B4GALNT1: variants seen among roughly 807,000 people sequenced by gnomAD.
B4GALNT1 encodes the protein beta-1,4-N-acetyl-galactosaminyltransferase 1.
B4GALNT1 carries 43 observed loss-of-function variants against 55.2 expected under a neutral mutation model. That is an observed-to-expected ratio of 0.78 (90% confidence interval 0.61 to 1.00). The LOEUF is 1.00. Ranked by LOEUF, B4GALNT1 falls within the 50% of genes least tolerant of loss-of-function variation. The pLI is 0.00. For synonymous variants in B4GALNT1, 305 were observed against 311.6 expected (o/e 0.98, Z 0.22); for missense variants, 664 against 729.7 (o/e 0.91, Z 1.04).
Position 57,623,773 on chromosome 12 carries a change from C to T in B4GALNT1, c.*2971G>A, listed in dbSNP as rs942918735. On this transcript the variant is annotated 3_prime_UTR_variant, in exon 11 of 11. Transcript: ENST00000341156. ...GATTAGGCAGAGTGGGCAGGAAGAC[C>T]AGCTCTCATGTGGGGGTGGGAGGCT... 3.4e-5 allele frequency: 48 copies of T among 1,429,858 alleles called. 2 individuals are homozygous for T. The South Asian group carries it at 5.3e-4, about 16-fold the overall frequency. 88.6% of individuals were successfully genotyped at this position (1,429,858 alleles called of 1,614,324 possible).
At chr12:57,629,508 A>G (rs1460128052) in intron 6 of B4GALNT1, 4 of 324,606 alleles carry the variant, frequency 1.2e-5, no homozygotes, top group African/African-American at 4.3e-5. Flanking sequence ...CTATTAAGCA[A>G]CAAAACTGAT....
At chr12:57,632,170 G>A in intron 1 of B4GALNT1, 37 bp from the exon 2 acceptor site, 2 of 1,296,632 alleles carry the variant, frequency 1.5e-6, no homozygotes, top group Non-Finnish European at 2.2e-6. Context: ...GAAAGGGAGG[G>A]AAGAAGGGAG....
chr12:57,629,999 C>A, intron 6 of B4GALNT1, 153 bp downstream of exon 6: 1 of 1,546,794 alleles, frequency 6.5e-7, no homozygotes, highest in Non-Finnish European at 8.7e-7. Context: ...CTCCCTCTGG[C>A]CCTGCTGGTC....
chr12:57,627,741 G>A lies in B4GALNT1; in HGVS notation c.1261C>T (p.His421Tyr), dbSNP rs1300442618. ...NCLRQRRGFH[H>Y]ELVGFPGCVV... ...CAGCCTGGGAAGCCGACGAGCTCGT[G>A]GTGGAAGCCGCGCCTTTGCCGGAGG... Residue 421 changes from histidine (H) to tyrosine (Y), a missense_variant, in exon 10 of 11, where the codon CAC becomes TAC. Coordinates refer to ENST00000341156, the MANE Select transcript of B4GALNT1 (RefSeq NM_001478.5). 6.2e-7 allele frequency: 1 copy of A among 1,610,248 alleles called. No homozygotes were observed. The highest frequency in any genetic ancestry group is 1.1e-5 in the South Asian group (1 of 90,570).
rs753375680 is a variant in B4GALNT1 at position 57,631,121 on chromosome 12, CG to C, written c.384-36del. On this transcript the variant is annotated intron_variant, in intron 3 of 10. Transcript: ENST00000341156. ...GAGGAAGGAGAGGACAGAGCAGAGT[CG>C]GGGGGAGAGGGTCTCTCCCTCCCGG... 2.5e-6 allele frequency: 4 copies of C among 1,607,252 alleles called. No homozygotes were observed. The African/African-American group carries it at 5.3e-5, about 21-fold the overall frequency.
Position 57,624,023 on chromosome 12 carries a change from C to T in B4GALNT1, c.*2721G>A, listed in dbSNP as rs753250941. 6 of 1,611,618 alleles carry T rather than the reference C, an allele frequency of 3.7e-6. No homozygotes were observed. The South Asian group carries it at 6.6e-5, about 18-fold the overall frequency. On this transcript the variant is annotated 3_prime_UTR_variant, in exon 11 of 11. Transcript: ENST00000341156. The stretch of plus-strand genomic sequence containing the variant: ...TCAAGGCTGTCCTGGCTTGCATCAA[C>T]ATCTCCAGCATGCGCCAGGTGTTCT...
chr12:57,631,336 C>G lies in B4GALNT1; in HGVS notation c.247G>C (p.Glu83Gln), dbSNP rs911538271. Residue 83 changes from glutamate (E) to glutamine (Q), a missense_variant, in exon 3 of 11, where the codon GAG becomes CAG. Coordinates refer to ENST00000341156, the MANE Select transcript of B4GALNT1 (RefSeq NM_001478.5). ...GLLAWNNCSC[E>Q]SSGGGLPLPF... ...AGGGGGAGGCCCCCCCCACTGGACT[C>G]ACAACTGCAGTTGTTCCAAGCCAGC... 7 of 1,613,968 alleles carry G rather than the reference C, an allele frequency of 4.3e-6. No homozygotes were observed. Among genetic ancestry groups the G allele is most frequent in the Non-Finnish European group, 5.9e-6 (7 of 1,179,986 alleles).
Position 57,627,672 on chromosome 12 carries a change from C to T in B4GALNT1, c.1330G>A (p.Asp444Asn). ...TCGAAACCGACCTCGCGCACCTTGT[C>T]AGTCCGCGCCAGGAAGAAGTTAACC... Reference protein sequence around the residue: ...GVVNFFLARTDKVREVGFDPR... With the variant: ...GVVNFFLARTNKVREVGFDPR... Residue 444 changes from aspartate to asparagine, a missense_variant, in exon 10 of 11, where the codon GAC (aspartate) becomes AAC (asparagine). Physicochemically the swap from Asp to Asn is conservative, Grantham distance 23 (BLOSUM62 1). Coordinates refer to ENST00000341156, the MANE Select transcript of B4GALNT1 (RefSeq NM_001478.5). 1.2e-6 allele frequency: 2 copies of T among 1,611,132 alleles called. No homozygotes were observed. The highest frequency in any genetic ancestry group is 1.7e-6 in the Non-Finnish European group (2 of 1,178,260).
rs904464250 is a variant in B4GALNT1 at position 57,624,629 on chromosome 12, T to C, written c.*2115A>G. ...GAGGTGGGCATAGAGATGAGTGGAG[T>C]TGAGGTCGGGGCAGGGGAAGAGAAT... On this transcript the variant is annotated 3_prime_UTR_variant, in exon 11 of 11. Coordinates refer to ENST00000341156, the MANE Select transcript of B4GALNT1 (RefSeq NM_001478.5). The C allele has an allele frequency of 2.8e-6, 2 of 711,016 alleles. No homozygotes were observed. The highest frequency in any genetic ancestry group is 3.5e-5 in the African/African-American group (2 of 57,580). 44.0% of individuals were successfully genotyped at this position (711,016 alleles called of 1,614,324 possible).
chr12:57,629,975 C>CA, intron 6 of B4GALNT1, 177 bp downstream of exon 6: 1 of 1,538,322 alleles, frequency 6.5e-7, no homozygotes, highest in Non-Finnish European at 8.7e-7. Flanking sequence ...CCCAGATGAA[C>CA]AAAGGCCCCC....
rs1389587784 is a variant in B4GALNT1, at chr12:57,624,865, G to T, written c.*1879C>A. ...ATTTCTCTGATCCTTTGACCTCTTA[G>T]CTCCTCCAGGTCCCGGGGCTCTGCA... On this transcript the variant is annotated 3_prime_UTR_variant, in exon 11 of 11. Coordinates refer to ENST00000341156, the MANE Select transcript of B4GALNT1 (RefSeq NM_001478.5). 1.2e-6 allele frequency: 2 copies of T among 1,614,032 alleles called. No individual in the cohort carries two copies. Among genetic ancestry groups the T allele is most frequent in the Middle Eastern group, 1.6e-4 (1 of 6,062 alleles).
chr12:57,624,813 A>G lies in B4GALNT1; in HGVS notation c.*1931T>C. 1.3e-6 allele frequency: 2 copies of G among 1,564,142 alleles called. No homozygotes were observed. Among genetic ancestry groups the G allele is most frequent in the Non-Finnish European group, 1.8e-6 (2 of 1,134,576 alleles). ...CCCAGGGTGGGTGGGCTGCAGCCAAAGAAGGAAGGGAAGATTAGCCCCAGA... is the reference window on the plus strand; with the variant it reads ...CCCAGGGTGGGTGGGCTGCAGCCAAGGAAGGAAGGGAAGATTAGCCCCAGA... On this transcript the variant is annotated 3_prime_UTR_variant, in exon 11 of 11. Coordinates refer to ENST00000341156, the MANE Select transcript of B4GALNT1 (RefSeq NM_001478.5).
chr12:57,631,825 G>A (rs1594988095), intron 2 of B4GALNT1, 90 bp downstream of exon 2: 1 of 1,217,336 alleles, frequency 8.2e-7, no homozygotes, highest in East Asian at 2.9e-5. Context: ...TTAGGAGAAT[G>A]CAGGCATCTG....
In B4GALNT1 at chr12:57,631,962, C is replaced by T; in HGVS notation, c.171G>A (p.Glu57=). 1 of 1,457,724 alleles carries T rather than the reference C, an allele frequency of 6.9e-7. No homozygotes were observed. The highest frequency in any genetic ancestry group is 9.0e-7 in the Non-Finnish European group (1 of 1,105,074). 90.3% of individuals were successfully genotyped at this position (1,457,724 alleles called of 1,614,324 possible). A position where few individuals can be genotyped will look rare whatever the true frequency, so the allele number is the denominator to read the frequency against. The part of the protein sequence containing the change: ...RRPELPDLAP[E]PRYAHIPVRI... ...TGACCGGGATGTGTGCGTAGCGGGG[C>T]TCAGGAGCAAGATCTGGCAGCTCGG... Residue 57 remains glutamate (E), a synonymous_variant, in exon 2 of 11, where the codon GAG becomes GAA. Coordinates refer to ENST00000341156, the MANE Select transcript of B4GALNT1 (RefSeq NM_001478.5).
chr12:57,632,186 G>T (rs1237002846), intron 1 of B4GALNT1, 53 bp from the exon 2 acceptor site: 1 of 1,467,838 alleles, frequency 6.8e-7, no homozygotes, highest in East Asian at 2.5e-5. Context: ...GGGAGGGCAA[G>T]GGATGGGGCC....
chr12:57,629,882 C>A, intron 6 of B4GALNT1: 1 of 1,530,210 alleles, frequency 6.5e-7, no homozygotes, highest in East Asian at 2.5e-5. Flanking sequence ...ACTCCTTAGA[C>A]AAGTCTCTTC....
In B4GALNT1 at chr12:57,626,772, T is replaced by C. The variant is rs1884835228; in HGVS notation, c.1574A>G (p.His525Arg). 1.9e-6 allele frequency: 3 copies of C among 1,613,968 alleles called. No homozygotes were observed. The highest frequency in any genetic ancestry group is 1.7e-5 in the Admixed American group (1 of 59,994). Residue 525 changes from histidine (H) to arginine (R), a missense_variant, in exon 11 of 11, where the codon CAC (histidine) becomes CGC (arginine). Coordinates refer to ENST00000341156, the MANE Select transcript of B4GALNT1 (RefSeq NM_001478.5). ...MAKHRLLFFK[H>R]RLQCMTSQ The stretch of plus-strand genomic sequence containing the variant: ...CTGGGAGGTCATGCACTGCAGCCGG[T>C]GTTTGAAGAAGAGCAGCCGGTGTTT...
At chr12:57,628,586 A>C (rs1433802593) in intron 8 of B4GALNT1, 127 bp downstream of exon 8, 7 of 1,186,568 alleles carry the variant, frequency 5.9e-6, no homozygotes, top group Non-Finnish European at 7.1e-6. Context: ...AGGAATCCTC[A>C]TGCTTAACAG....
At chr12:57,629,809 G>C in intron 6 of B4GALNT1, 1 of 1,442,970 alleles carries the variant, frequency 6.9e-7, no homozygotes, top group Non-Finnish European at 9.1e-7. Flanking sequence ...AGAGAAATGG[G>C]ATCTCAGGAA....
Sources: gnomAD v4.1 joint callset for allele counts on GRCh38, gnomAD v4.1.1 for gene constraint, MANE v1.5 for transcripts, NCBI Gene and HGNC (gene_info 2026-07-23, HGNC 2026-07-21) for gene names.